Variants in CMSS1 observed in about 807,000 individuals in gnomAD.
CMSS1 encodes the protein cms1 ribosomal small subunit homolog, also known as protein CMSS1.
CMSS1 carries 33 observed loss-of-function variants against 43.5 expected under a neutral mutation model. The observed-to-expected ratio is 0.76, with a 90% confidence interval of 0.57 to 1.01. CMSS1 has a LOEUF of 1.01. Among genes scored for constraint, CMSS1 ranks in the 50% least tolerant of loss-of-function variants. The pLI is 0.00. For missense variants in CMSS1, 313 were observed against 326.4 expected (o/e 0.96, Z 0.32); for synonymous variants, 115 against 117.2 (o/e 0.98, Z 0.12).
intron 1 of CMSS1, among the ~76,000 whole-genome samples, chr3:99,820,239 C>T (rs894157682): frequency 2.6e-5 from 4 of 151,898 alleles, no homozygotes; most frequent in Non-Finnish European, 5.9e-5. Flanking sequence ...TCTTGTCCCC[C>T]AGTCTGGAGT....
rs148218467 is a variant in CMSS1, at chr3:99,824,247, C to G, written c.64+6204C>G. Among the ~76,000 whole-genome samples, 696 of 152,264 alleles carry G rather than the reference C, an allele frequency of 4.6e-3. 2 individuals carry two copies. Among genetic ancestry groups the G allele is most frequent in the South Asian group, 7.1e-3 (34 of 4,820 alleles). On this transcript the variant is annotated intron_variant, in intron 1 of 9. Coordinates refer to ENST00000421999, the MANE Select transcript of CMSS1 (RefSeq NM_032359.4). ...GCTGGCTCTGTCTTAACATTAAGTA[C>G]TCAGTTCAAACGTCACCTACTCAGA...
rs139378204 is a variant in CMSS1 at position 100,093,527 on chromosome 3, G to A, written c.65-53446G>A. Among the ~76,000 whole-genome samples, 263 of 151,998 alleles carry A rather than the reference G, an allele frequency of 1.7e-3. 2 individuals carry two copies. The Middle Eastern group carries it at 0.021, about 12-fold the overall frequency. On this transcript the variant is annotated intron_variant, in intron 1 of 9. Transcript: ENST00000421999. ...AATTGTGATTCACATGCATTTGTAC[G>A]GAATAATGCAGAGTGATTCCACATA...
chr3:99,937,184 C>T (rs141582317), intron 1 of CMSS1, among the ~76,000 whole-genome samples: 47 of 151,892 alleles, frequency 3.1e-4, no homozygotes, highest in African/African-American at 1.1e-3. Context: ...GTGATCCACC[C>T]GCCTCAGCCT....
chr3:99,991,736 T>A (rs1709516159), intron 1 of CMSS1, among the ~76,000 whole-genome samples: 1 of 151,886 alleles, frequency 6.6e-6, no homozygotes, highest in African/African-American at 2.4e-5. Flanking sequence ...TCAGTGAGGA[T>A]AATGGCCTCC....
At chr3:100,117,079 C>A (rs993216421) in intron 1 of CMSS1, among the ~76,000 whole-genome samples, 1 of 152,056 alleles carries the variant, frequency 6.6e-6, no homozygotes, top group African/African-American at 2.4e-5. Flanking sequence ...GGGAAGAGTT[C>A]AATTATTTAT....
chr3:100,168,789 A>G lies in CMSS1; in HGVS notation c.518+949A>G, dbSNP rs76518676. Among the ~76,000 whole-genome samples, 18 of 151,664 alleles carry G rather than the reference A, an allele frequency of 1.2e-4. No individual in the cohort carries two copies. In the East Asian group the frequency reaches 2.9e-3, roughly 24 times the overall value. On this transcript the variant is annotated intron_variant, in intron 6 of 9. Transcript: ENST00000421999. ...TAGTTCTGAATTCTTATGGGATAATATACAACTAAAAATAGGCAAAGAAAT... is the reference window on the plus strand; with the variant it reads ...TAGTTCTGAATTCTTATGGGATAATGTACAACTAAAAATAGGCAAAGAAAT...
chr3:100,146,734 C>T (rs2066853606), intron 1 of CMSS1, among the ~76,000 whole-genome samples: 1 of 152,152 alleles, frequency 6.6e-6, no homozygotes. Flanking sequence ...TGTTCTGTGA[C>T]AAAACATTCC....
At chr3:100,009,255 C>T (rs1490197121) in intron 1 of CMSS1, among the ~76,000 whole-genome samples, 2 of 152,180 alleles carry the variant, frequency 1.3e-5, no homozygotes, top group Non-Finnish European at 2.9e-5. Context: ...AATATAAGAT[C>T]TATCTTCAGT....
At chr3:99,925,901 A>G in intron 1 of CMSS1, 1 of 985,332 alleles carries the variant, frequency 1.0e-6, no homozygotes, top group Non-Finnish European at 1.2e-6. Flanking sequence ...TTTGCCCAGC[A>G]CGGGGTAAGC....
chr3:99,981,063 G>A (rs1320711468), intron 1 of CMSS1, among the ~76,000 whole-genome samples: 1 of 152,136 alleles, frequency 6.6e-6, no homozygotes, highest in Non-Finnish European at 1.5e-5. Flanking sequence ...AAGAGGCAAA[G>A]GTTTTAGAAA....
intron 1 of CMSS1, among the ~76,000 whole-genome samples, chr3:100,042,372 A>G (rs952298271): frequency 3.9e-5 from 6 of 152,192 alleles, no homozygotes; most frequent in African/African-American, 1.4e-4. Context: ...AGCCAATACC[A>G]GATACAGTGA....
intron 1 of CMSS1, among the ~76,000 whole-genome samples, chr3:99,859,670 G>A (rs541990473): frequency 6.6e-6 from 1 of 152,050 alleles, no homozygotes; most frequent in African/African-American, 2.4e-5. Context: ...TAACTGTGTT[G>A]CGTTGATAGT....
At chr3:100,009,645 A>G (rs564546208) in intron 1 of CMSS1, among the ~76,000 whole-genome samples, 38 of 152,340 alleles carry the variant, frequency 2.5e-4, no homozygotes, top group Middle Eastern at 3.4e-3. Flanking sequence ...CAGCCAAAAC[A>G]TCTAAGTGTT....
At chr3:100,107,101 G>GA (rs759739676) in intron 1 of CMSS1, among the ~76,000 whole-genome samples, 2 of 152,058 alleles carry the variant, frequency 1.3e-5, no homozygotes, top group Non-Finnish European at 2.9e-5. Flanking sequence ...AGGTACAGGT[G>GA]AAAATCTTTA....
chr3:100,115,657 C>T (rs568342979), intron 1 of CMSS1, among the ~76,000 whole-genome samples: 10 of 136,030 alleles, frequency 7.4e-5, no homozygotes, highest in African/African-American at 2.2e-4. Context: ...CCTTTCCACC[C>T]GTGAGTTTAT....
chr3:100,013,770 G>T (rs933818171), intron 1 of CMSS1, among the ~76,000 whole-genome samples: 1 of 152,152 alleles, frequency 6.6e-6, no homozygotes, highest in African/African-American at 2.4e-5. Context: ...CTTGTGAAAT[G>T]ATTAAATCCA....
rs6801514 is a variant in CMSS1, at chr3:100,105,994, A to G, written c.65-40979A>G. Among the ~76,000 whole-genome samples the G allele has an allele frequency of 4.6e-3, 700 of 152,252 alleles. 7 individuals carry two copies. Among genetic ancestry groups the G allele is most frequent in the African/African-American group, 0.016 (682 of 41,544 alleles). ...CTCACCATCAGATGGTGTGGACAGA[A>G]AGTTGTGCCTGGGAGTCTAGAAGTC... On this transcript the variant is annotated intron_variant, in intron 1 of 9. Coordinates refer to ENST00000421999, the MANE Select transcript of CMSS1 (RefSeq NM_032359.4).
chr3:100,049,351 G>A (rs557505368), intron 1 of CMSS1, among the ~76,000 whole-genome samples: 2 of 152,094 alleles, frequency 1.3e-5, no homozygotes, highest in Non-Finnish European at 2.9e-5. Flanking sequence ...GGGTCTTACC[G>A]AACTTACCAA....
At chr3:100,140,800 A>G (rs1228017782) in intron 1 of CMSS1, among the ~76,000 whole-genome samples, 2 of 151,996 alleles carry the variant, frequency 1.3e-5, no homozygotes, top group East Asian at 1.9e-4. Flanking sequence ...AAAATTAAAT[A>G]TAAAAGAAAA....
Sources: gnomAD v4.1 joint callset for allele counts (sites outside exome capture counted in the v4.1 genomes callset) on GRCh38, gnomAD v4.1.1 for gene constraint, MANE v1.5 for transcripts, NCBI Gene and HGNC (gene_info 2026-07-23, HGNC 2026-07-21) for gene names.